Variants in TBL1X observed in about 807,000 individuals in gnomAD.
TBL1X encodes F-box-like/WD repeat-containing protein TBL1X.
A neutral mutation model predicts 50.7 loss-of-function variants in TBL1X; 10 were observed. That is an observed-to-expected ratio of 0.20 (90% CI 0.12 to 0.33). TBL1X has a LOEUF of 0.33. Ranked by LOEUF, TBL1X falls within the 10% of genes least tolerant of loss-of-function variation. The pLI is 1.00. For synonymous variants in TBL1X, 190 were observed against 214.7 expected (o/e 0.88, Z 1.01); for missense variants, 340 against 504.4 (o/e 0.67, Z 3.12).
At chrX:9,572,885 A>T (rs951903694) in intron 2 of TBL1X, among the ~76,000 whole-genome samples, 1 of 112,625 alleles carries the variant, frequency 8.9e-6, no homozygotes, top group African/African-American at 3.2e-5. Context: ...GAAACTGTGT[A>T]GGAGGCAAGC....
intron 2 of TBL1X, among the ~76,000 whole-genome samples, chrX:9,632,265 C>G (rs2082725144): frequency 9.0e-6 from 1 of 111,147 alleles, no homozygotes; most frequent in South Asian, 3.7e-4. Flanking sequence ...ATCTTGGAAT[C>G]CTTAAAATGC....
At chrX:9,653,075 G>A (rs1316469571) in intron 3 of TBL1X, among the ~76,000 whole-genome samples, 3 of 112,183 alleles carry the variant, frequency 2.7e-5, no homozygotes, top group Admixed American at 9.4e-5. Context: ...TGAGGCAGGA[G>A]AATCCCTTGA....
chrX:9,585,328 A>ACCCCCCCCCCCC (rs1262756915), intron 2 of TBL1X, among the ~76,000 whole-genome samples: 12 of 54,635 alleles, frequency 2.2e-4, no homozygotes, highest in East Asian at 8.5e-4. Flanking sequence ...GCTCCATGCC[A>ACCCCCCCCCCCC]CCCCCCTCCC....
chrX:9,616,948 T>A (rs1238852657), intron 2 of TBL1X, among the ~76,000 whole-genome samples: 1 of 111,809 alleles, frequency 8.9e-6, no homozygotes, highest in African/African-American at 3.3e-5. Flanking sequence ...TATTTCCTTA[T>A]ACTTATGGTG....
At chrX:9,472,738 C>A (rs762738334) in intron 1 of TBL1X, among the ~76,000 whole-genome samples, 266 of 109,743 alleles carry the variant, frequency 2.4e-3, no homozygotes, top group Non-Finnish European at 3.4e-3. Context: ...ACGGTGAAAC[C>A]CCGTCTCTAC....
At chrX:9,568,080 C>T (rs1313518377) in intron 2 of TBL1X, among the ~76,000 whole-genome samples, 2 of 112,015 alleles carry the variant, frequency 1.8e-5, no homozygotes, top group African/African-American at 6.5e-5. Context: ...TCTCTGTCTC[C>T]CTCCTGGTTC....
chrX:9,643,998 A>G (rs2082789481), intron 3 of TBL1X, among the ~76,000 whole-genome samples: 1 of 112,179 alleles, frequency 8.9e-6, no homozygotes, highest in South Asian at 3.7e-4. Flanking sequence ...AGGCCACATC[A>G]TATGTGTAGG....
chrX:9,575,041 A>G (rs1240271050), intron 2 of TBL1X, among the ~76,000 whole-genome samples: 1 of 111,427 alleles, frequency 9.0e-6, no homozygotes, highest in African/African-American at 3.3e-5. Flanking sequence ...TTTATAAAGA[A>G]AAGAGGTTGA....
Position 9,472,140 on chromosome X carries a change from G to A in TBL1X, c.-201+6693G>A, listed in dbSNP as rs759128637. On this transcript the variant is annotated intron_variant, in intron 1 of 17. Coordinates refer to ENST00000645353, the MANE Select transcript of TBL1X (RefSeq NM_005647.4). ...GACCTGCCTGTTGTTAGGATTTAGAGTCCATGTGAATGTGCAGTATTGTTC... is the reference window on the plus strand; with the variant it reads ...GACCTGCCTGTTGTTAGGATTTAGAATCCATGTGAATGTGCAGTATTGTTC... 4.4e-5 allele frequency among the ~76,000 whole-genome samples: 5 copies of A among 112,495 alleles called. No individual in the cohort carries two copies. In the South Asian group the frequency reaches 1.1e-3, roughly 25 times the overall value.
rs760491800 is a variant in TBL1X, at chrX:9,716,273, AGAATTCTAAT to A, written c.*30_*39del. On this transcript the variant is annotated 3_prime_UTR_variant, in exon 18 of 18. Transcript: ENST00000645353. ...CACAAAATATTATCGAAAAAAGAAA[AGAATTCTAAT>A]GACCAGCCGTGAATGTGTAGGGTTG... 1.6e-5 allele frequency: 19 copies of A among 1,198,376 alleles called. No individual in the cohort carries two copies. Among genetic ancestry groups the A allele is most frequent in the African/African-American group, 1.4e-4 (8 of 57,064 alleles).
intron 5 of TBL1X, among the ~76,000 whole-genome samples, chrX:9,662,322 CAG>C (rs1359173313): frequency 8.9e-6 from 1 of 111,862 alleles, no homozygotes; most frequent in African/African-American, 3.3e-5. Context: ...TGTCCATTGA[CAG>C]AGGAAATTCC....
chrX:9,587,850 C>T (rs1472998576), intron 2 of TBL1X, among the ~76,000 whole-genome samples: 4 of 83,243 alleles, frequency 4.8e-5, no homozygotes, highest in Admixed American at 3.6e-4. Context: ...TAGATGAATG[C>T]GTTTGTCTAC....
At chrX:9,480,946 A>G (rs2073830158) in intron 1 of TBL1X, among the ~76,000 whole-genome samples, 1 of 111,231 alleles carries the variant, frequency 9.0e-6, no homozygotes, top group South Asian at 3.8e-4. Flanking sequence ...GTGTTTCAGA[A>G]TTGTATAAGA....
chrX:9,656,132 G>A (rs986732449), intron 5 of TBL1X, among the ~76,000 whole-genome samples: 1 of 112,368 alleles, frequency 8.9e-6, no homozygotes, highest in African/African-American at 3.2e-5. Flanking sequence ...AATGATAACC[G>A]CTCTGCTAAT....
chrX:9,534,502 A>G (rs1450486583), intron 2 of TBL1X, among the ~76,000 whole-genome samples: 1 of 110,981 alleles, frequency 9.0e-6, no homozygotes, highest in African/African-American at 3.3e-5. Flanking sequence ...AAAGGTTTAT[A>G]GAGATATGAT....
chrX:9,554,672 T>C (rs1476590466), intron 2 of TBL1X, among the ~76,000 whole-genome samples: 5 of 112,509 alleles, frequency 4.4e-5, no homozygotes, highest in Non-Finnish European at 5.6e-5. Flanking sequence ...ATATTGTCTT[T>C]ATCATATATA....
rs1031541102 is a variant in TBL1X, at chrX:9,648,206, G to C, written c.-42-5339G>C. On this transcript the variant is annotated intron_variant, in intron 3 of 17. Transcript: ENST00000645353. Reference sequence around the variant, plus strand: ...CTAGCCAATAAGCCTATACGGATGGGGACTCTCACCCTGATTTACCCTAAC... The same window carrying C: ...CTAGCCAATAAGCCTATACGGATGGCGACTCTCACCCTGATTTACCCTAAC... 7.2e-5 allele frequency among the ~76,000 whole-genome samples: 8 copies of C among 110,745 alleles called. No homozygotes were observed. In the East Asian group the frequency reaches 2.3e-3, roughly 31 times the overall value.
At chrX:9,530,582 TA>T (rs2082155108) in intron 2 of TBL1X, among the ~76,000 whole-genome samples, 1 of 112,258 alleles carries the variant, frequency 8.9e-6, no homozygotes, top group African/African-American at 3.2e-5. Flanking sequence ...GGTGCTCTTT[TA>T]AAAAAGCCCT....
At chrX:9,647,655 C>T (rs778968065) in intron 3 of TBL1X, among the ~76,000 whole-genome samples, 1 of 112,013 alleles carries the variant, frequency 8.9e-6, no homozygotes, top group Non-Finnish European at 1.9e-5. Flanking sequence ...GGATGCTGTT[C>T]GGGAAACCGG....
Sources: gnomAD v4.1 joint callset for allele counts (sites outside exome capture counted in the v4.1 genomes callset) on GRCh38, gnomAD v4.1.1 for gene constraint, MANE v1.5 for transcripts, NCBI Gene and HGNC (gene_info 2026-07-23, HGNC 2026-07-21) for gene names.